The following ARID1B variants were observed in gnomAD, a reference collection of about 807,000 sequenced individuals.
ARID1B encodes AT-rich interactive domain-containing protein 1B.
In ARID1B, 30 loss-of-function variants were observed where a neutral mutation model predicts 212.3. That is an observed-to-expected ratio of 0.14 (90% CI 0.11 to 0.19). The LOEUF is 0.19. Ranked by LOEUF, ARID1B falls within the 10% of genes least tolerant of loss-of-function variation. The probability of loss-of-function intolerance (pLI) is 1.00; values close to 1 mark genes in which losing one functional copy is unlikely to be tolerated. For synonymous variants in ARID1B, 1,402 were observed against 1,301.7 expected, an observed-to-expected ratio of 1.08 and a Z score of -1.66; for missense variants, 2,891 against 3,204.0, an observed-to-expected ratio of 0.90 and a Z score of 2.36.
chr6:156,982,773 C>T (rs1204898983), intron 4 of ARID1B, among the ~76,000 whole-genome samples: 1 of 152,098 alleles, frequency 6.6e-6, no homozygotes, highest in Non-Finnish European at 1.5e-5. Context: ...TGTATGCAAT[C>T]ACTTTTCCTC....
intron 6 of ARID1B, among the ~76,000 whole-genome samples, chr6:157,116,774 T>G (rs1356081628): frequency 1.3e-5 from 2 of 152,008 alleles, no homozygotes; most frequent in African/African-American, 4.8e-5. Context: ...CCCCCCAACC[T>G]TCATTTCTGC....
rs141551206 is a variant in ARID1B at position 156,798,075 on chromosome 6, C to T, written c.1791+18604C>T. Among the ~76,000 whole-genome samples the T allele has an allele frequency of 9.9e-4, 151 of 152,230 alleles. 1 individual carries two copies. The highest frequency in any genetic ancestry group is 3.1e-3 in the African/African-American group (130 of 41,516). ...AGGCGGCAGTTTGCAGTAGGTGGAG[C>T]GAGAGATGGATAGGAAGCCAGAAAA... On this transcript the variant is annotated intron_variant, in intron 1 of 19. Coordinates refer to ENST00000636930, the MANE Select transcript of ARID1B (RefSeq NM_001374828.1).
At chr6:156,944,857 C>T (rs1430278517) in intron 4 of ARID1B, among the ~76,000 whole-genome samples, 1 of 152,034 alleles carries the variant, frequency 6.6e-6, no homozygotes, top group African/African-American at 2.4e-5. Context: ...GAAACCCAAG[C>T]TGTTTTCCTG....
intron 3 of ARID1B, among the ~76,000 whole-genome samples, chr6:156,934,270 C>T (rs1791977396): frequency 6.6e-6 from 1 of 151,884 alleles, no homozygotes. Flanking sequence ...TGTTTGACTT[C>T]AGGGGGAAAC....
chr6:156,921,699 A>G (rs1790816510), intron 3 of ARID1B, among the ~76,000 whole-genome samples: 1 of 152,206 alleles, frequency 6.6e-6, no homozygotes, highest in African/African-American at 2.4e-5. Context: ...CCATTTTAAC[A>G]TCTTGTAAAA....
chr6:157,202,983 A>T (rs895190323), intron 18 of ARID1B, among the ~76,000 whole-genome samples: 5 of 152,178 alleles, frequency 3.3e-5, no homozygotes, highest in Non-Finnish European at 7.3e-5. Flanking sequence ...AACCTAGGGA[A>T]ATTTACATGT....
chr6:156,820,529 GTAAAA>G (rs1337290816), intron 1 of ARID1B, among the ~76,000 whole-genome samples: 1 of 152,186 alleles, frequency 6.6e-6, no homozygotes, highest in Non-Finnish European at 1.5e-5. Flanking sequence ...TTTGTTAAGA[GTAAAA>G]TAAAAGAGAT....
intron 1 of ARID1B, among the ~76,000 whole-genome samples, chr6:156,811,838 C>A (rs940622376): frequency 6.6e-6 from 1 of 152,126 alleles, no homozygotes; most frequent in African/African-American, 2.4e-5. Flanking sequence ...CTAAGAAAGT[C>A]TTCTAGTTAC....
intron 4 of ARID1B, among the ~76,000 whole-genome samples, chr6:157,000,850 C>T (rs1235608717): frequency 3.3e-5 from 5 of 151,974 alleles, no homozygotes; most frequent in Admixed American, 6.6e-5. Flanking sequence ...TGCGCCACCA[C>T]GGCCAGCTAC....
At chr6:157,084,142 C>G (rs374368298) in intron 4 of ARID1B, among the ~76,000 whole-genome samples, 1 of 147,622 alleles carries the variant, frequency 6.8e-6, no homozygotes, top group Non-Finnish European at 1.5e-5. Context: ...CACCTCCCCC[C>G]CAAAAAAAAA....
chr6:157,145,723 T>C (rs1192531861), intron 7 of ARID1B, among the ~76,000 whole-genome samples: 4 of 152,214 alleles, frequency 2.6e-5, no homozygotes, highest in Non-Finnish European at 5.9e-5. Flanking sequence ...ATGCTTGGAC[T>C]CTAAGCTACA....
chr6:156,927,131 A>G (rs1582963704), intron 3 of ARID1B, among the ~76,000 whole-genome samples: 1 of 152,192 alleles, frequency 6.6e-6, no homozygotes, highest in Non-Finnish European at 1.5e-5. Flanking sequence ...AATCTCATAA[A>G]TGGAATATAT....
rs988715332 is a variant in ARID1B, at chr6:156,915,260, T to G, written c.2136+13735T>G. The stretch of plus-strand genomic sequence containing the variant: ...AGGCTTTCTTCTTTGATAGAATTGC[T>G]GGGCAAAAGAACAGGCACATTTTAG... On this transcript the variant is annotated intron_variant, in intron 3 of 19. Coordinates refer to ENST00000636930, the MANE Select transcript of ARID1B (RefSeq NM_001374828.1). Among the ~76,000 whole-genome samples the G allele has an allele frequency of 2.6e-5, 4 of 152,158 alleles. No individual in the cohort carries two copies. The South Asian group carries it at 8.3e-4, about 32-fold the overall frequency.
At chr6:156,858,715 GCCAAGATCCCA>G (rs1785115853) in intron 2 of ARID1B, among the ~76,000 whole-genome samples, 1 of 152,142 alleles carries the variant, frequency 6.6e-6, no homozygotes, top group South Asian at 2.1e-4. Context: ...GCTGGAGTGA[GCCAAGATCCCA>G]CCATTGCACT....
At chr6:157,085,087 A>G (rs1467574061) in intron 5 of ARID1B, among the ~76,000 whole-genome samples, 182 bp downstream of exon 5, 1 of 152,206 alleles carries the variant, frequency 6.6e-6, no homozygotes, top group Non-Finnish European at 1.5e-5. Flanking sequence ...AGGTGATTAT[A>G]ACTACCCCTT....
intron 9 of ARID1B, chr6:157,169,783 G>A (rs1010089037): frequency 6.6e-6 from 1 of 152,062 alleles, no homozygotes; most frequent in Admixed American, 6.5e-5. Flanking sequence ...CTCACCAGAC[G>A]CTACTCTACA....
rs1793323760 is a variant in ARID1B at position 157,190,982 on chromosome 6, G to A, written c.4231+772G>A. On this transcript the variant is annotated intron_variant, in intron 15 of 19. Coordinates refer to ENST00000636930, the MANE Select transcript of ARID1B (RefSeq NM_001374828.1). The surrounding 1 kb of genome is among the most constrained non-coding windows in gnomAD (Gnocchi z 4.6). The stretch of plus-strand genomic sequence containing the variant: ...CAGAGCACAGTGAGCATGGGCCCGG[G>A]GACAGGCTGAGGTCGTTGAGGCCGG... Among the ~76,000 whole-genome samples, 2 of 152,104 alleles carry A rather than the reference G, an allele frequency of 1.3e-5. No homozygotes were observed.
At chr6:157,090,720 C>G (rs1358996990) in intron 5 of ARID1B, among the ~76,000 whole-genome samples, 1 of 152,250 alleles carries the variant, frequency 6.6e-6, no homozygotes, top group Non-Finnish European at 1.5e-5. Flanking sequence ...CCTGGCCTCT[C>G]GGCAGACTAC....
In ARID1B at chr6:157,206,941, A is replaced by C. The variant is rs548670876; in HGVS notation, c.6169A>C (p.Ile2057Leu). ...RSRDETPLCTIAHWQDSLAKR... is the reference protein window; with the variant it reads ...RSRDETPLCTLAHWQDSLAKR... ...CCGAGACGAGACTCCTCTGTGTACC[A>C]TCGCGCACTGGCAGGACTCGCTGGC... The change falls in exon 20 of 20, where the codon ATC (isoleucine) becomes CTC (leucine). Residue 2057 changes from isoleucine (I) to leucine (L), a missense_variant. Transcript: ENST00000636930. This position sits in a 1 kb window ranked among gnomAD's most constrained non-coding sequence, Gnocchi z 6.8. 2 of 1,614,182 alleles carry C rather than the reference A, an allele frequency of 1.2e-6. No individual in the cohort carries two copies. Among genetic ancestry groups the C allele is most frequent in the Admixed American group, 1.7e-5 (1 of 60,032 alleles).
Sources: gnomAD v4.1 joint callset for allele counts (sites outside exome capture counted in the v4.1 genomes callset) on GRCh38, gnomAD v4.1.1 for gene constraint, Gnocchi (gnomAD v3.1) non-coding constraint, MANE v1.5 for transcripts, NCBI Gene and HGNC (gene_info 2026-07-23, HGNC 2026-07-21) for gene names.